The following FGF4 variants were observed in gnomAD, a reference collection of about 807,000 sequenced individuals.
The protein encoded by FGF4 is heparin secretory transforming protein 1.
Under a neutral mutation model 15.7 loss-of-function variants are expected in FGF4, and 9 were observed. That is an observed-to-expected ratio of 0.57 (90% CI 0.35 to 1.00). FGF4 has a LOEUF of 1.00. FGF4 is among the 50% of genes least tolerant of loss of function. FGF4 has a pLI of 0.02. For synonymous variants in FGF4, 164 were observed against 144.8 expected, an observed-to-expected ratio of 1.13 and a Z score of -0.95; for missense variants, 286 against 297.3, an observed-to-expected ratio of 0.96 and a Z score of 0.28.
At position 69,773,268 on chromosome 11, in the gene FGF4, C is replaced by G. The variant is rs1855594897; in HGVS notation, c.*41G>C. On this transcript the variant is annotated 3_prime_UTR_variant, in exon 3 of 3. Transcript: ENST00000168712. Reference sequence around the variant, plus strand: ...CAAGGTGACCCTCGGCACTGCCCTCCCAGGGGCTTCCCGAGGCTGAGGCAA... The same window carrying G: ...CAAGGTGACCCTCGGCACTGCCCTCGCAGGGGCTTCCCGAGGCTGAGGCAA... The G allele has an allele frequency of 1.2e-6, 2 of 1,602,422 alleles. No homozygotes were observed. The highest frequency in any genetic ancestry group is 3.4e-4 in the Middle Eastern group (2 of 5,798).
intron 2 of FGF4, 133 bp from the exon 3 acceptor site, chr11:69,773,618 G>T: frequency 1.2e-6 from 1 of 838,588 alleles, no homozygotes; most frequent in Non-Finnish European, 2.0e-6. Context: ...AGCAGTTAAG[G>T]TGTCAAGACC....
In FGF4 at chr11:69,771,604, G is replaced by A. The variant is rs1242663996; in HGVS notation, c.*1705C>T. On this transcript the variant is annotated 3_prime_UTR_variant, in exon 3 of 3. Transcript: ENST00000168712. ...TAGGAACAGCAGTTTAAGATGTGTG[G>A]TCCTGTCTTAGCGGCTTTGCAAGTG... is the stretch of plus-strand genomic sequence containing the variant. 1 of 152,184 alleles carries A rather than the reference G, an allele frequency of 6.6e-6. No individual in the cohort carries two copies. Among genetic ancestry groups the A allele is most frequent in the Non-Finnish European group, 1.5e-5 (1 of 68,042 alleles). 9.4% of individuals were successfully genotyped at this position (152,184 alleles called of 1,614,324 possible). A position where few individuals can be genotyped will look rare whatever the true frequency, so the allele number is the denominator to read the frequency against.
At chr11:69,774,434 TG>T (rs924793429) in intron 1 of FGF4, among the ~76,000 whole-genome samples, 6 of 151,982 alleles carry the variant, frequency 3.9e-5, no homozygotes, top group African/African-American at 1.4e-4. Context: ...CCGGGGCGCG[TG>T]TCTCGGGCCC....
Position 69,772,728 on chromosome 11 carries a change from G to A in FGF4, c.*581C>T, listed in dbSNP as rs1855586350. On this transcript the variant is annotated 3_prime_UTR_variant, in exon 3 of 3. Coordinates refer to ENST00000168712, the MANE Select transcript of FGF4 (RefSeq NM_002007.4). The stretch of plus-strand genomic sequence containing the variant: ...ATCGAGGAAGATTGACTACAGGAAA[G>A]TTCAAAGGTCAGTCTTGGCAGATCT... 6.5e-6 allele frequency: 1 copy of A among 153,866 alleles called. No individual in the cohort carries two copies. The highest frequency in any genetic ancestry group is 2.4e-5 in the African/African-American group (1 of 41,326). 9.5% of individuals were successfully genotyped at this position (153,866 alleles called of 1,614,324 possible). A position where few individuals can be genotyped will look rare whatever the true frequency, so the allele number is the denominator to read the frequency against.
At position 69,775,176 on chromosome 11, in the gene FGF4, C is replaced by G. The variant is rs923051135; in HGVS notation, c.-92G>C. On this transcript the variant is annotated 5_prime_UTR_variant, in exon 1 of 3. Coordinates refer to ENST00000168712, the MANE Select transcript of FGF4 (RefSeq NM_002007.4). ...GCCTGTGGCGTCCCGCGGGAGCGCA[C>G]GGCCGACCTCGGGCAGGAGTGCGCA... The G allele has an allele frequency of 5.4e-5, 48 of 892,444 alleles. No individual in the cohort carries two copies. Among genetic ancestry groups the G allele is most frequent in the Non-Finnish European group, 6.8e-5 (46 of 675,828 alleles). 55.3% of individuals were successfully genotyped at this position (892,444 alleles called of 1,614,324 possible). A position where few individuals can be genotyped will look rare whatever the true frequency, so the allele number is the denominator to read the frequency against.
chr11:69,773,930 ACC>A, intron 2 of FGF4, 92 bp downstream of exon 2: 1 of 1,039,804 alleles, frequency 9.6e-7, no homozygotes, highest in Non-Finnish European at 1.4e-6. Context: ...CCCCTCCAAG[ACC>A]CAGGCACAGG....
rs1259794955 is a variant in FGF4 at position 69,772,542 on chromosome 11, G to A, written c.*767C>T. ...TTTGTGATTGCAAATACACTATCTT[G>A]TCCATTTCTAGCCTTCCAGTGGGAT... is the stretch of plus-strand genomic sequence containing the variant. On this transcript the variant is annotated 3_prime_UTR_variant, in exon 3 of 3. Coordinates refer to ENST00000168712, the MANE Select transcript of FGF4 (RefSeq NM_002007.4). The A allele has an allele frequency of 2.0e-5, 3 of 152,170 alleles. No homozygotes were observed. Among genetic ancestry groups the A allele is most frequent in the Non-Finnish European group, 4.4e-5 (3 of 68,046 alleles). The allele number at this position is 152,170 out of a possible 1,614,324, so 9.4% of individuals were successfully genotyped here.
chr11:69,774,782 G>T lies in FGF4; in HGVS notation c.303C>A (p.Asp101Glu). The change falls in exon 1 of 3, where the codon GAC becomes GAA. Residue 101 changes from aspartate to glutamate, a missense_variant. Physicochemically the swap from Asp to Glu is conservative, Grantham distance 45. Transcript: ENST00000168712. ...GIGFHLQALP[D>E]GRIGGAHADT... The stretch of plus-strand genomic sequence containing the variant: ...CCGCGTGCGCGCCGCCGATGCGGCC[G>T]TCGGGGAGCGCCTGGAGGTGGAAGC... 6 of 1,516,066 alleles carry T rather than the reference G, an allele frequency of 4.0e-6. No homozygotes were observed. The highest frequency in any genetic ancestry group is 5.3e-6 in the Non-Finnish European group (6 of 1,142,728). The allele number at this position is 1,516,066 out of a possible 1,614,324, so 93.9% of individuals were successfully genotyped here. A position where few individuals can be genotyped will look rare whatever the true frequency, so the allele number is the denominator to read the frequency against.
chr11:69,773,586 C>T, intron 2 of FGF4, 101 bp from the exon 3 acceptor site: 1 of 1,070,000 alleles, frequency 9.3e-7, no homozygotes, highest in South Asian at 1.4e-5. Flanking sequence ...ACCCCCCACC[C>T]TGGGCTGAGA....
chr11:69,774,634 C>G, intron 1 of FGF4, 111 bp downstream of exon 1: 1 of 843,950 alleles, frequency 1.2e-6, no homozygotes, highest in Non-Finnish European at 1.6e-6. Context: ...CCCCGGTTCC[C>G]GGGGCCCCCG....
Position 69,774,430 on chromosome 11 carries a change from C to G in FGF4, c.341-303G>C, listed in dbSNP as rs377542997. Among the ~76,000 whole-genome samples the G allele has an allele frequency of 7.9e-5, 12 of 152,288 alleles. No homozygotes were observed. In the East Asian group the frequency reaches 2.1e-3, roughly 27 times the overall value. On this transcript the variant is annotated intron_variant, in intron 1 of 2. Coordinates refer to ENST00000168712, the MANE Select transcript of FGF4 (RefSeq NM_002007.4). ...TTCCCCAGCCTGGGCCAGGCCGGGG[C>G]GCGTGTCTCGGGCCCCCTGTGGCTG...
At chr11:69,773,534 G>A (rs781693830) in intron 2 of FGF4, 49 bp from the exon 3 acceptor site, 22 of 1,591,790 alleles carry the variant, frequency 1.4e-5, no homozygotes, top group Non-Finnish European at 1.6e-5. Context: ...CTTGGGCAAG[G>A]TACCCAGCCT....
rs1855594795 is a variant in FGF4, at chr11:69,773,264, C to T, written c.*45G>A. 3.8e-6 allele frequency: 6 copies of T among 1,584,642 alleles called. No individual in the cohort carries two copies. Among genetic ancestry groups the T allele is most frequent in the South Asian group, 3.3e-5 (3 of 90,224 alleles). ...GCACCAAGGTGACCCTCGGCACTGC[C>T]CTCCCAGGGGCTTCCCGAGGCTGAG... On this transcript the variant is annotated 3_prime_UTR_variant, in exon 3 of 3. Transcript: ENST00000168712.
At position 69,773,111 on chromosome 11, in the gene FGF4, C is replaced by A; in HGVS notation, c.*198G>T. 1.3e-5 allele frequency: 6 copies of A among 465,138 alleles called. No individual in the cohort carries two copies. The highest frequency in any genetic ancestry group is 7.5e-6 in the Non-Finnish European group (2 of 266,468). The allele number at this position is 465,138 out of a possible 1,614,324, so 28.8% of individuals were successfully genotyped here. On this transcript the variant is annotated 3_prime_UTR_variant, in exon 3 of 3. Transcript: ENST00000168712. ...TTGGTTTTTTGTTTTGTCTTTTTTT[C>A]CCCCCAGAAAATTAAAAAACACACC...
chr11:69,774,233 A>C (rs1423571586), intron 1 of FGF4, 106 bp from the exon 2 acceptor site: 1 of 944,520 alleles, frequency 1.1e-6, no homozygotes, highest in African/African-American at 1.6e-5. Flanking sequence ...GGTTGGGGAT[A>C]AAGGGCCAGG....
At position 69,774,994 on chromosome 11, in the gene FGF4, C is replaced by T. The variant is rs779951764; in HGVS notation, c.91G>A (p.Ala31Thr). The change falls in exon 1 of 3, where the codon GCA becomes ACA. Residue 31 changes from alanine (A) to threonine (T), a missense_variant. Coordinates refer to ENST00000168712, the MANE Select transcript of FGF4 (RefSeq NM_002007.4). Reference protein sequence around the residue: ...APWAGRGGAAAPTAPNGTLEA... With the variant: ...APWAGRGGAATPTAPNGTLEA... ...AGCGTGCCGTTGGGTGCAGTGGGTG[C>T]GGCGGCGCCCCCTCGGCCCGCCCAG... The T allele has an allele frequency of 1.4e-6, 2 of 1,456,004 alleles. No homozygotes were observed. Among genetic ancestry groups the T allele is most frequent in the South Asian group, 1.3e-5 (1 of 75,306 alleles). 90.2% of individuals were successfully genotyped at this position (1,456,004 alleles called of 1,614,324 possible). A position where few individuals can be genotyped will look rare whatever the true frequency, so the allele number is the denominator to read the frequency against.
At chr11:69,773,582 C>G (rs1000471491) in intron 2 of FGF4, 97 bp from the exon 3 acceptor site, 110 of 1,108,106 alleles carry the variant, frequency 9.9e-5, no homozygotes, top group Admixed American at 4.9e-4. Flanking sequence ...TCCCACCCCC[C>G]ACCCTGGGCT....
rs753889565 is a variant in FGF4 at position 69,772,991 on chromosome 11, T to C, written c.*318A>G. The C allele has an allele frequency of 2.7e-5, 8 of 294,318 alleles. No homozygotes were observed. The highest frequency in any genetic ancestry group is 1.0e-3 in the Middle Eastern group (1 of 968). The allele number at this position is 294,318 out of a possible 1,614,324, so 18.2% of individuals were successfully genotyped here. A position where few individuals can be genotyped will look rare whatever the true frequency, so the allele number is the denominator to read the frequency against. On this transcript the variant is annotated 3_prime_UTR_variant, in exon 3 of 3. Coordinates refer to ENST00000168712, the MANE Select transcript of FGF4 (RefSeq NM_002007.4). ...ATCGGAATCCAATGTCACCTTTTTT[T>C]AAAACACAGAATAGCAGCACACTCG...
Position 69,775,154 on chromosome 11 carries a change from T to A in FGF4, c.-70A>T. The A allele has an allele frequency of 2.9e-6, 3 of 1,046,354 alleles. No homozygotes were observed. The highest frequency in any genetic ancestry group is 3.7e-6 in the Non-Finnish European group (3 of 813,536). The allele number at this position is 1,046,354 out of a possible 1,614,324, so 64.8% of individuals were successfully genotyped here. On this transcript the variant is annotated 5_prime_UTR_variant, in exon 1 of 3. Coordinates refer to ENST00000168712, the MANE Select transcript of FGF4 (RefSeq NM_002007.4). ...GGAAGCTGGGGGGCAGAGCTGCGCC[T>A]GTGGCGTCCCGCGGGAGCGCACGGC... is the stretch of plus-strand genomic sequence containing the variant.
Sources: allele counts gnomAD v4.1 joint callset (sites outside exome capture counted in the v4.1 genomes callset), GRCh38; gene constraint gnomAD v4.1.1; transcripts MANE v1.5; gene names NCBI Gene and HGNC (gene_info 2026-07-23, HGNC 2026-07-21).